AJAP1: variants seen among roughly 807,000 people sequenced by gnomAD.
The protein encoded by AJAP1 is adherens junctions associated protein 1, also known as adherens junction-associated protein 1.
A neutral mutation model predicts 35.0 loss-of-function variants in AJAP1; 5 were observed. The observed-to-expected ratio is 0.14, with a 90% confidence interval of 0.07 to 0.30. The LOEUF is 0.30. Ranked by LOEUF, AJAP1 falls within the 10% of genes least tolerant of loss-of-function variation. The pLI, the probability that AJAP1 is intolerant of heterozygous loss-of-function variation, is 1.00. For missense variants in AJAP1, 586 were observed against 571.0 expected, an observed-to-expected ratio of 1.03 and a Z score of -0.27; for synonymous variants, 284 against 249.3, an observed-to-expected ratio of 1.14 and a Z score of -1.31.
Position 4,733,654 on chromosome 1 carries a change from G to A in AJAP1, c.829+20955G>A, listed in dbSNP as rs530622848. Among the ~76,000 whole-genome samples the A allele has an allele frequency of 1.3e-4, 20 of 151,758 alleles. No homozygotes were observed. The East Asian group carries it at 2.1e-3, about 16-fold the overall frequency. On this transcript the variant is annotated intron_variant, in intron 2 of 5. Coordinates refer to ENST00000378191, the MANE Select transcript of AJAP1 (RefSeq NM_018836.4). Reference sequence around the variant, plus strand: ...GGAACACAGATCCTGCTCCGAGCGCGGGAAATCCCAGCGGGCCGGCCTTGG... The same window carrying A: ...GGAACACAGATCCTGCTCCGAGCGCAGGAAATCCCAGCGGGCCGGCCTTGG...
chr1:4,779,036 C>T (rs1179410737), intron 5 of AJAP1, among the ~76,000 whole-genome samples: 1 of 152,178 alleles, frequency 6.6e-6, no homozygotes, highest in Non-Finnish European at 1.5e-5. Context: ...CCAGATAAAG[C>T]TCGATGCAGA....
chr1:4,772,298 C>T lies in AJAP1; in HGVS notation c.936C>T (p.Asn312=), dbSNP rs1641852694. The change falls in exon 4 of 6, where the codon AAC becomes AAT. Residue 312 remains asparagine, a synonymous_variant. Transcript: ENST00000378191. ...CTTCCAGCTGTGCCCAAAGCGGGAA[C>T]ACTCGTCGGAACAGCCACCAGCGGA... ...VLKNCCAQSG[N]TRRNSHQRKT... 5 of 1,614,132 alleles carry T rather than the reference C, an allele frequency of 3.1e-6. No homozygotes were observed. The highest frequency in any genetic ancestry group is 3.4e-6 in the Non-Finnish European group (4 of 1,180,016).
At chr1:4,705,351 CA>C (rs1382220716) in intron 1 of AJAP1, among the ~76,000 whole-genome samples, 7 of 134,432 alleles carry the variant, frequency 5.2e-5, no homozygotes, top group African/African-American at 1.9e-4. Context: ...TCTAAAACAC[CA>C]AAAGCAATGG....
intron 1 of AJAP1, among the ~76,000 whole-genome samples, chr1:4,670,914 C>T (rs1639235186): frequency 6.6e-6 from 1 of 152,250 alleles, no homozygotes; most frequent in Non-Finnish European, 1.5e-5. Flanking sequence ...ATCACTGTAA[C>T]AGACCCAAGA....
chr1:4,766,536 A>G (rs1641689263), intron 2 of AJAP1, among the ~76,000 whole-genome samples: 1 of 152,196 alleles, frequency 6.6e-6, no homozygotes, highest in African/African-American at 2.4e-5. Context: ...TTGGGGCCAC[A>G]TGTCAGAAGT....
At chr1:4,741,270 A>T (rs1641063124) in intron 2 of AJAP1, among the ~76,000 whole-genome samples, 1 of 152,190 alleles carries the variant, frequency 6.6e-6, no homozygotes, top group South Asian at 2.1e-4. Context: ...AACCCAGTAG[A>T]AAGGCATCCT....
intron 2 of AJAP1, among the ~76,000 whole-genome samples, chr1:4,725,797 C>T (rs913348555): frequency 3.9e-5 from 6 of 152,184 alleles, no homozygotes; most frequent in African/African-American, 1.4e-4. Flanking sequence ...GTCTCCTCCC[C>T]GTGTCCTCAC....
chr1:4,662,987 G>T (rs550817233), intron 1 of AJAP1, among the ~76,000 whole-genome samples: 8 of 152,194 alleles, frequency 5.3e-5, no homozygotes, highest in African/African-American at 1.9e-4. Context: ...TCCCCTGCAC[G>T]TGGAAAGTGT....
At chr1:4,742,172 C>A (rs540740076) in intron 2 of AJAP1, among the ~76,000 whole-genome samples, 2 of 152,284 alleles carry the variant, frequency 1.3e-5, no homozygotes, top group South Asian at 2.1e-4. Flanking sequence ...CCACGCAAAG[C>A]CAGGGAGTGA....
chr1:4,674,509 G>A (rs1639318916), intron 1 of AJAP1, among the ~76,000 whole-genome samples: 2 of 152,238 alleles, frequency 1.3e-5, no homozygotes, highest in Admixed American at 6.5e-5. Flanking sequence ...TCAGACAAAG[G>A]TCAACGACCC....
chr1:4,676,993 C>T (rs1405136357), intron 1 of AJAP1, among the ~76,000 whole-genome samples: 3 of 152,178 alleles, frequency 2.0e-5, no homozygotes, highest in African/African-American at 7.2e-5. Flanking sequence ...CCCGTCTCTA[C>T]TAAAAATACA....
chr1:4,770,571 G>T (rs2100359820), intron 3 of AJAP1, among the ~76,000 whole-genome samples: 1 of 152,270 alleles, frequency 6.6e-6, no homozygotes, highest in African/African-American at 2.4e-5. Context: ...GCGCCTTGGG[G>T]ACCTCACCTG....
At chr1:4,710,920 G>A (rs1382336894) in intron 1 of AJAP1, among the ~76,000 whole-genome samples, 1 of 152,156 alleles carries the variant, frequency 6.6e-6, no homozygotes, top group Admixed American at 6.5e-5. Flanking sequence ...AACTGGGGAG[G>A]GGCCGCCCCG....
intron 1 of AJAP1, among the ~76,000 whole-genome samples, chr1:4,677,052 G>A (rs532866568): frequency 6.6e-6 from 1 of 152,324 alleles, no homozygotes; most frequent in Admixed American, 6.5e-5. Flanking sequence ...AGGTACTTGG[G>A]AGGCTGAGGC....
intron 1 of AJAP1, among the ~76,000 whole-genome samples, chr1:4,668,258 G>C (rs776010380): frequency 6.6e-6 from 1 of 151,860 alleles, no homozygotes; most frequent in Non-Finnish European, 1.5e-5. Context: ...TCCTCCTTGT[G>C]TGGGGCCAAT....
chr1:4,668,332 GT>G (rs1639181060), intron 1 of AJAP1, among the ~76,000 whole-genome samples: 1 of 149,148 alleles, frequency 6.7e-6, no homozygotes, highest in East Asian at 1.9e-4. Context: ...CTGTGTGTGT[GT>G]GTGCGTGTGC....
chr1:4,691,935 G>A (rs16839469), intron 1 of AJAP1, among the ~76,000 whole-genome samples: 7,008 of 152,210 alleles, frequency 0.046, 315 homozygotes, highest in East Asian at 0.2. Context: ...GACCTGCAGA[G>A]GGACAAGGGT....
intron 2 of AJAP1, among the ~76,000 whole-genome samples, chr1:4,758,615 C>A (rs1641492558): frequency 6.6e-6 from 1 of 152,178 alleles, no homozygotes; most frequent in Non-Finnish European, 1.5e-5. Flanking sequence ...CAATTACCCC[C>A]ACTTGGTCTC....
intron 2 of AJAP1, among the ~76,000 whole-genome samples, chr1:4,728,881 A>G (rs552518798): frequency 2.6e-5 from 4 of 152,036 alleles, no homozygotes; most frequent in Non-Finnish European, 5.9e-5. Flanking sequence ...TATTGAAACC[A>G]GCGTCCTGTC....
Sources: allele counts gnomAD v4.1 joint callset (sites outside exome capture counted in the v4.1 genomes callset), GRCh38; gene constraint gnomAD v4.1.1; transcripts MANE v1.5; gene names NCBI Gene and HGNC (gene_info 2026-07-23, HGNC 2026-07-21).